TAX1BP1: variants seen among roughly 807,000 people sequenced by gnomAD.
TAX1BP1 encodes tax1-binding protein 1.
TAX1BP1 carries 62 observed loss-of-function variants against 97.7 expected under a neutral mutation model. The observed-to-expected ratio is 0.63, with a 90% CI of 0.52 to 0.78. The LOEUF is 0.78. Ranked by LOEUF, TAX1BP1 falls within the 30% of genes least tolerant of loss-of-function variation. The probability of loss-of-function intolerance (pLI) is 0.00; values close to 1 mark genes in which losing one functional copy is unlikely to be tolerated. For missense variants in TAX1BP1, 867 were observed against 916.1 expected, an observed-to-expected ratio of 0.95 and a Z score of 0.69; for synonymous variants, 340 against 304.2, an observed-to-expected ratio of 1.12 and a Z score of -1.23.
chr7:27,805,304 A>G (rs1790294505), intron 13 of TAX1BP1, among the ~76,000 whole-genome samples: 1 of 152,072 alleles, frequency 6.6e-6, no homozygotes, highest in Admixed American at 6.6e-5. Context: ...TTGGCTCATT[A>G]TTCTCTGATT....
intron 12 of TAX1BP1, among the ~76,000 whole-genome samples, chr7:27,799,577 C>G (rs1790057290): frequency 6.6e-6 from 1 of 152,062 alleles, no homozygotes; most frequent in African/African-American, 2.4e-5. Flanking sequence ...TTCTGATCCC[C>G]TGAGATAAGA....
intron 13 of TAX1BP1, among the ~76,000 whole-genome samples, chr7:27,803,362 T>C (rs1312369744): frequency 3.9e-5 from 6 of 152,244 alleles, no homozygotes; most frequent in Admixed American, 3.3e-4. Context: ...GGAAACATTT[T>C]TGAAGTTGTT....
At chr7:27,789,737 A>G (rs770259192) in intron 8 of TAX1BP1, among the ~76,000 whole-genome samples, 3 of 152,030 alleles carry the variant, frequency 2.0e-5, no homozygotes, top group Non-Finnish European at 4.4e-5. Context: ...GTAATTTGCT[A>G]TTAAAAATAC....
chr7:27,782,276 G>T (rs180868440), intron 5 of TAX1BP1, among the ~76,000 whole-genome samples: 100 of 151,484 alleles, frequency 6.6e-4, no homozygotes, highest in African/African-American at 2.3e-3. Flanking sequence ...TTTCTCTGTC[G>T]CCCAGGCTGG....
At chr7:27,811,000 A>G (rs1222431969) in intron 13 of TAX1BP1, among the ~76,000 whole-genome samples, 3 of 151,984 alleles carry the variant, frequency 2.0e-5, no homozygotes, top group African/African-American at 4.8e-5. Flanking sequence ...CTTCATCTCT[A>G]TACGAGACCA....
rs573838318 is a variant in TAX1BP1, at chr7:27,792,581, C to T, written c.1263+351C>T. 5.3e-5 allele frequency among the ~76,000 whole-genome samples: 8 copies of T among 152,174 alleles called. No individual in the cohort carries two copies. In the South Asian group the frequency reaches 1.0e-3, roughly 20 times the overall value. ...GCTCTTCAGGAGGTGGATTATTTTT[C>T]TCTAGTTTTTTAAATGAACCTTAGT... On this transcript the variant is annotated intron_variant, in intron 9 of 16. Coordinates refer to ENST00000396319, the MANE Select transcript of TAX1BP1 (RefSeq NM_006024.7).
At chr7:27,826,056 G>A (rs1791166599) in intron 15 of TAX1BP1, among the ~76,000 whole-genome samples, 1 of 151,926 alleles carries the variant, frequency 6.6e-6, no homozygotes, top group Admixed American at 6.6e-5. Context: ...TTGCTGGGAG[G>A]CCTAAATCTG....
In TAX1BP1 at chr7:27,793,079, C is replaced by G. The variant is rs555250244; in HGVS notation, c.1277C>G (p.Thr426Arg). The change falls in exon 10 of 17, where the codon ACA becomes AGA. Residue 426 changes from threonine to arginine, a missense_variant. Coordinates refer to ENST00000396319, the MANE Select transcript of TAX1BP1 (RefSeq NM_006024.7). ...AMKKDQDKTDTLEHELRREVE... is the reference protein window; with the variant it reads ...AMKKDQDKTDRLEHELRREVE... ...GTTTCTTTCTAGGACAAGACTGATA[C>G]ACTGGAACACGAACTAAGAAGAGAA... 4.4e-5 allele frequency: 70 copies of G among 1,599,760 alleles called. No homozygotes were observed. The highest frequency in any genetic ancestry group is 2.7e-4 in the East Asian group (12 of 44,462).
chr7:27,809,567 G>A (rs576926165), intron 13 of TAX1BP1, among the ~76,000 whole-genome samples: 22 of 152,264 alleles, frequency 1.4e-4, no homozygotes, highest in African/African-American at 4.8e-4. Flanking sequence ...CTTCTGATTT[G>A]CAAAAGAACC....
intron 1 of TAX1BP1, among the ~76,000 whole-genome samples, chr7:27,747,854 T>G (rs1283933170): frequency 6.6e-6 from 1 of 151,310 alleles, no homozygotes. Context: ...TCCCAGAAAG[T>G]TGTTGTCATC....
intron 3 of TAX1BP1, 80 bp from the exon 4 acceptor site, chr7:27,765,740 GTGGGGAATGAGACA>G (rs1157885553): frequency 9.3e-7 from 1 of 1,075,350 alleles, no homozygotes; most frequent in African/African-American, 1.6e-5. Context: ...CAAGAACAGT[GTGGGGAATGAGACA>G]TGGCAAGTAT....
intron 13 of TAX1BP1, among the ~76,000 whole-genome samples, chr7:27,805,653 A>G (rs1790309608): frequency 6.6e-6 from 1 of 152,114 alleles, no homozygotes; most frequent in South Asian, 2.1e-4. Flanking sequence ...CTTGGCCAAC[A>G]TGGTGAAACC....
intron 1 of TAX1BP1, among the ~76,000 whole-genome samples, chr7:27,742,082 GGGTTTTATACTGA>G (rs559836987): frequency 5.4e-4 from 82 of 152,238 alleles, no homozygotes; most frequent in Non-Finnish European, 9.9e-4. Context: ...ACGTACAATC[GGGTTTTATACTGA>G]GACATTCCAT....
chr7:27,751,200 AT>A (rs1230163689), intron 2 of TAX1BP1, among the ~76,000 whole-genome samples: 3 of 152,156 alleles, frequency 2.0e-5, no homozygotes, highest in African/African-American at 7.2e-5. Context: ...AGAAAAAAAA[AT>A]CTTCTGTTTA....
chr7:27,806,489 T>C (rs933176548), intron 13 of TAX1BP1, among the ~76,000 whole-genome samples: 1 of 152,290 alleles, frequency 6.6e-6, no homozygotes, highest in African/African-American at 2.4e-5. Flanking sequence ...TATCTAGTTA[T>C]CTCAATCCAT....
At chr7:27,815,884 A>G (rs747368422) in intron 13 of TAX1BP1, among the ~76,000 whole-genome samples, 1 of 152,150 alleles carries the variant, frequency 6.6e-6, no homozygotes, top group Non-Finnish European at 1.5e-5. Context: ...AAATACAAAA[A>G]TTAGCCAGGT....
chr7:27,786,037 C>A (rs977185876), intron 7 of TAX1BP1, among the ~76,000 whole-genome samples: 1 of 151,846 alleles, frequency 6.6e-6, no homozygotes, highest in Admixed American at 6.6e-5. Context: ...TAGTAATAAT[C>A]CCATTTTAGA....
intron 11 of TAX1BP1, 114 bp downstream of exon 11, chr7:27,794,560 T>G: frequency 2.6e-6 from 3 of 1,160,410 alleles, no homozygotes; most frequent in Non-Finnish European, 3.6e-6. Context: ...ATGTGATAAG[T>G]GAAGGAATTG....
intron 11 of TAX1BP1, 96 bp from the exon 12 acceptor site, chr7:27,796,020 A>G: frequency 1.2e-6 from 1 of 839,352 alleles, no homozygotes; most frequent in Admixed American, 2.7e-5. Context: ...CATTTACTAT[A>G]TTTTACAGTA....
Sources: gnomAD v4.1 joint callset for allele counts (sites outside exome capture counted in the v4.1 genomes callset) on GRCh38, gnomAD v4.1.1 for gene constraint, MANE v1.5 for transcripts, NCBI Gene and HGNC (gene_info 2026-07-23, HGNC 2026-07-21) for gene names.